PTK2: variants seen among roughly 807,000 people sequenced by gnomAD.
The protein encoded by PTK2 is protein tyrosine kinase 2.
PTK2 carries 45 observed loss-of-function variants against 150.1 expected under a neutral mutation model. The ratio of observed to expected loss-of-function variants is 0.30; its 90% confidence interval spans 0.24 to 0.38. The LOEUF (loss-of-function observed/expected upper bound fraction) is 0.38, where lower values mean the gene tolerates loss of function less well. PTK2 is among the 10% of genes least tolerant of loss of function. The pLI, the probability that PTK2 is intolerant of heterozygous loss-of-function variation, is 1.00. For synonymous variants in PTK2, 432 were observed against 449.2 expected (o/e 0.96, Z 0.48); for missense variants, 919 against 1,307.3 (o/e 0.70, Z 4.58).
At chr8:140,708,372 C>T (rs1427350632) in intron 23 of PTK2, among the ~76,000 whole-genome samples, 1 of 152,144 alleles carries the variant, frequency 6.6e-6, no homozygotes, top group African/African-American at 2.4e-5. Flanking sequence ...TACTTCTGAT[C>T]CTTTCAGTCT....
At chr8:140,662,049 G>A (rs988200578) in intron 31 of PTK2, among the ~76,000 whole-genome samples, 1 of 152,294 alleles carries the variant, frequency 6.6e-6, no homozygotes, top group Non-Finnish European at 1.5e-5. Flanking sequence ...TGTAACCCCA[G>A]CACTTTGGGA....
chr8:140,762,453 G>A, intron 15 of PTK2, 65 bp from the exon 18 acceptor site: 13 of 793,294 alleles, frequency 1.6e-5, no homozygotes, highest in Non-Finnish European at 1.9e-5. Flanking sequence ...CAGCAATTAG[G>A]TTAACAACAC....
chr8:140,705,272 G>C (rs147943747), intron 24 of PTK2, among the ~76,000 whole-genome samples: 1 of 152,090 alleles, frequency 6.6e-6, no homozygotes, highest in African/African-American at 2.4e-5. Flanking sequence ...TTTAAACCAC[G>C]CTTTCAACAA....
rs1056814815 is a variant in PTK2 at position 140,690,114 on chromosome 8, G to A, written c.2500-3420C>T. 1.6e-4 allele frequency among the ~76,000 whole-genome samples: 24 copies of A among 151,400 alleles called. 1 individual carries two copies. Among genetic ancestry groups the A allele is most frequent in the Admixed American group, 1.3e-4 (2 of 15,168 alleles). On this transcript the variant is annotated intron_variant, in intron 26 of 31. Coordinates refer to ENST00000522684, the Ensembl canonical transcript of PTK2. ...ACTACAGGCGTCCGCCACCACGCCCGGCTAATTTTTTGTATTTTCAGTAGA... is the reference window on the plus strand; with the variant it reads ...ACTACAGGCGTCCGCCACCACGCCCAGCTAATTTTTTGTATTTTCAGTAGA...
intron 1 of PTK2, among the ~76,000 whole-genome samples, chr8:140,981,358 G>A (rs1015463385): frequency 6.6e-6 from 1 of 152,160 alleles, no homozygotes; most frequent in Non-Finnish European, 1.5e-5. Flanking sequence ...TTCACTTACA[G>A]AGTGGCACCG....
chr8:140,960,979 T>C, intron 1 of PTK2, among the ~76,000 whole-genome samples: 1 of 152,154 alleles, frequency 6.6e-6, no homozygotes, highest in Non-Finnish European at 1.5e-5. Context: ...AAACTCTGTC[T>C]CAAAAATAAA....
At chr8:140,904,972 T>G (rs13277099) in intron 2 of PTK2, among the ~76,000 whole-genome samples, 63,456 of 151,938 alleles carry the variant, frequency 0.42, 15,169 homozygotes, top group Non-Finnish European at 0.55. Context: ...TTTTTGAAAG[T>G]TTTTTTGTAT....
rs961641743 is a variant in PTK2 at position 140,668,530 on chromosome 8, A to T, written c.2710-106T>A. The T allele has an allele frequency of 6.9e-6, 9 of 1,299,074 alleles. No individual in the cohort carries two copies. The African/African-American group carries it at 1.0e-4, about 15-fold the overall frequency. The allele number at this position is 1,299,074 out of a possible 1,614,324, so 80.5% of individuals were successfully genotyped here. A position where few individuals can be genotyped will look rare whatever the true frequency, so the allele number is the denominator to read the frequency against. ...TACAAGAGATCAAAGCAGATTGCAG[A>T]AGGTCATTGATTTTCTTGTGTGTGC... On this transcript the variant is annotated intron_variant, in intron 29 of 31. Coordinates refer to ENST00000522684, the Ensembl canonical transcript of PTK2.
At chr8:140,928,896 A>C (rs539131146) in intron 1 of PTK2, among the ~76,000 whole-genome samples, 8 of 152,006 alleles carry the variant, frequency 5.3e-5, no homozygotes, top group Non-Finnish European at 1.2e-4. Flanking sequence ...TGGAACAGTA[A>C]GTACACTTAA....
At chr8:140,983,771 T>C (rs1348722845) in intron 1 of PTK2, 1 of 152,162 alleles carries the variant, frequency 6.6e-6, no homozygotes, top group Non-Finnish European at 1.5e-5. Flanking sequence ...TGAGCAAAGA[T>C]GCAGGGAAGA....
At chr8:140,698,638 C>T (rs902479892) in intron 26 of PTK2, among the ~76,000 whole-genome samples, 6 of 151,818 alleles carry the variant, frequency 4.0e-5, no homozygotes, top group Admixed American at 6.6e-5. Context: ...TTTTTTGAGA[C>T]GGAGTTTCAC....
chr8:140,698,857 A>C (rs1590953183), intron 26 of PTK2, among the ~76,000 whole-genome samples: 1 of 150,872 alleles, frequency 6.6e-6, no homozygotes, highest in African/African-American at 2.4e-5. Context: ...TCAAGTGATC[A>C]GCCCGCCTCA....
chr8:140,884,556 CAA>C (rs2100151414), intron 3 of PTK2, among the ~76,000 whole-genome samples: 1 of 152,302 alleles, frequency 6.6e-6, no homozygotes, highest in South Asian at 2.1e-4. Context: ...CTAACACACA[CAA>C]AGTGTCCAGT....
At chr8:140,936,507 C>T (rs950094282) in intron 1 of PTK2, among the ~76,000 whole-genome samples, 1 of 152,070 alleles carries the variant, frequency 6.6e-6, no homozygotes. Flanking sequence ...GGGGGCCTTC[C>T]TGACTCACTG....
intron 1 of PTK2, among the ~76,000 whole-genome samples, chr8:140,957,607 A>G (rs1475977178): frequency 6.6e-6 from 1 of 152,174 alleles, no homozygotes. Context: ...ACTCACCCAG[A>G]GCAGCGTTCA....
At chr8:140,876,155 GT>G (rs1472706971) in intron 4 of PTK2, among the ~76,000 whole-genome samples, 1 of 151,728 alleles carries the variant, frequency 6.6e-6, no homozygotes, top group Admixed American at 6.6e-5. Flanking sequence ...TTACTATCTT[GT>G]TTCATGGGGC....
rs966181547 is a variant in PTK2, at chr8:140,909,804, G to A, written c.-33+15857C>T. ...AGAAATCCACTGAGACCTTCCCATGGATCATTACTTAGTCCTAATCAACAT... is the reference window on the plus strand; with the variant it reads ...AGAAATCCACTGAGACCTTCCCATGAATCATTACTTAGTCCTAATCAACAT... On this transcript the variant is annotated intron_variant, in intron 2 of 31. Coordinates refer to ENST00000522684, the Ensembl canonical transcript of PTK2. 3.3e-5 allele frequency among the ~76,000 whole-genome samples: 5 copies of A among 152,100 alleles called. No homozygotes were observed. The East Asian group carries it at 9.6e-4, about 29-fold the overall frequency.
intron 23 of PTK2, among the ~76,000 whole-genome samples, chr8:140,709,709 C>T (rs946346276): frequency 2.6e-5 from 4 of 152,122 alleles, no homozygotes; most frequent in Admixed American, 2.0e-4. Context: ...CTGGTAAGTA[C>T]GATGAGTTAG....
intron 16 of PTK2, among the ~76,000 whole-genome samples, chr8:140,753,082 G>A (rs2100063730): frequency 6.6e-6 from 1 of 152,204 alleles, no homozygotes; most frequent in South Asian, 2.1e-4. Context: ...TTTTGAAGGA[G>A]CATTCTGCTG....
Sources: gnomAD v4.1 joint callset for allele counts (sites outside exome capture counted in the v4.1 genomes callset) on GRCh38, gnomAD v4.1.1 for gene constraint, MANE v1.5 for transcripts, NCBI Gene and HGNC (gene_info 2026-07-23, HGNC 2026-07-21) for gene names.